Variants in NIBAN3 observed in about 807,000 individuals in gnomAD.
NIBAN3 encodes niban apoptosis regulator 3, also known as protein Niban 3.
Under a neutral mutation model 76.4 loss-of-function variants are expected in NIBAN3, and 66 were observed. That is an observed-to-expected ratio of 0.86 (90% CI 0.71 to 1.06). The LOEUF is 1.06. NIBAN3 is among the 50% of genes least tolerant of loss of function. The pLI, the probability that NIBAN3 is intolerant of heterozygous loss-of-function variation, is 0.00. For missense variants in NIBAN3, 808 were observed against 810.7 expected (o/e 1.00, Z 0.04); for synonymous variants, 360 against 355.2 (o/e 1.01, Z -0.15).
Position 17,550,804 on chromosome 19 carries a change from T to A in NIBAN3, c.1751-982T>A, listed in dbSNP as rs970530243. On this transcript the variant is annotated intron_variant, in intron 14 of 14. Transcript: ENST00000599164. ...CAGGCATTTGGTTTCTAGTCTTCCA[T>A]ACTAACAGCCAATGCCACAGGGATT... Among the ~76,000 whole-genome samples, 4 of 148,596 alleles carry A rather than the reference T, an allele frequency of 2.7e-5. No homozygotes were observed. The East Asian group carries it at 5.9e-4, about 22-fold the overall frequency.
upstream of NIBAN3, chr19:17,527,151 C>A (rs1056071099): frequency 1.6e-4 from 239 of 1,468,414 alleles, no homozygotes; most frequent in Non-Finnish European, 2.2e-4. Context: ...CTACAGAAAC[C>A]ACTGGCTCTG....
At chr19:17,549,960 G>A (rs942103800) in intron 14 of NIBAN3, 2 of 338,184 alleles carry the variant, frequency 5.9e-6, no homozygotes, top group Non-Finnish European at 1.1e-5. Context: ...GGGACTACAG[G>A]CGGCACATGC....
upstream of NIBAN3, among the ~76,000 whole-genome samples, chr19:17,523,902 T>C (rs147883856): frequency 7.7e-3 from 1,175 of 152,270 alleles, 12 homozygotes; most frequent in African/African-American, 0.026. Context: ...GCTTTCTTTT[T>C]TGGGGGGACA....
At chr19:17,532,051 G>A (rs933952741) in intron 2 of NIBAN3, among the ~76,000 whole-genome samples, 2 of 152,164 alleles carry the variant, frequency 1.3e-5, no homozygotes, top group African/African-American at 4.8e-5. Flanking sequence ...TTGCCTCTCC[G>A]GAATGCCCCA....
intron 5 of NIBAN3, among the ~76,000 whole-genome samples, chr19:17,538,932 C>T (rs1398629941): frequency 6.6e-6 from 1 of 152,174 alleles, no homozygotes; most frequent in African/African-American, 2.4e-5. Flanking sequence ...CTGCTGGTCA[C>T]GGGGCTGTGG....
At chr19:17,535,410 A>T (rs2075807946) in intron 4 of NIBAN3, among the ~76,000 whole-genome samples, 1 of 152,042 alleles carries the variant, frequency 6.6e-6, no homozygotes, top group South Asian at 2.1e-4. Flanking sequence ...CACACCATTG[A>T]ACTCCAGCAG....
At chr19:17,523,578 C>A, upstream of NIBAN3, 1 of 772,946 alleles carries the variant, frequency 1.3e-6, no homozygotes. Context: ...AATTGAGCTG[C>A]CAGCACAGGG....
chr19:17,549,774 G>C lies in NIBAN3; in HGVS notation c.1750+247G>C, dbSNP rs188339609. The C allele has an allele frequency of 2.3e-4, 134 of 576,490 alleles. No homozygotes were observed. The East Asian group carries it at 3.0e-3, about 13-fold the overall frequency. 35.7% of individuals were successfully genotyped at this position (576,490 alleles called of 1,614,324 possible). ...CTGACATGCATGTGAGCTCAGCCCT[G>C]GGGGGCTGAGATTGTGGTGAATTTG... On this transcript the variant is annotated intron_variant, in intron 14 of 14. Transcript: ENST00000599164.
chr19:17,541,498 G>A (rs2075951310), intron 9 of NIBAN3, among the ~76,000 whole-genome samples: 2 of 151,976 alleles, frequency 1.3e-5, no homozygotes, highest in South Asian at 4.1e-4. Flanking sequence ...TGCAGCCCCA[G>A]GGCCCAGCAC....
intron 1 of NIBAN3, among the ~76,000 whole-genome samples, chr19:17,528,047 T>C (rs918476793): frequency 6.6e-6 from 1 of 151,750 alleles, no homozygotes; most frequent in Non-Finnish European, 1.5e-5. Context: ...TGCACACTTA[T>C]GCTGAAAACC....
upstream of NIBAN3, chr19:17,523,499 G>C (rs1201359423): frequency 1.3e-6 from 2 of 1,532,074 alleles, no homozygotes; most frequent in East Asian, 4.8e-5. Flanking sequence ...AAGCTCAGCT[G>C]TGGGGCTGGT....
chr19:17,538,416 A>T (rs2075864774), intron 5 of NIBAN3, among the ~76,000 whole-genome samples: 1 of 102,014 alleles, frequency 9.8e-6, no homozygotes, highest in Non-Finnish European at 2.1e-5. Context: ...ACTCTGTCTT[A>T]AAAAAAAAAA....
intron 12 of NIBAN3, chr19:17,545,927 G>A: frequency 2.3e-6 from 1 of 435,826 alleles, no homozygotes; most frequent in Non-Finnish European, 4.6e-6. Context: ...GAGAAAAGGA[G>A]ACTCCCTTTC....
chr19:17,533,281 G>C (rs918343540), intron 3 of NIBAN3, among the ~76,000 whole-genome samples: 1 of 152,012 alleles, frequency 6.6e-6, no homozygotes, highest in Non-Finnish European at 1.5e-5. Flanking sequence ...GTGGTGGCGG[G>C]TGCCTGTAAT....
Position 17,546,781 on chromosome 19 carries a change from G to A in NIBAN3, c.1650G>A (p.Leu550=), listed in dbSNP as rs2076063489. The change falls in exon 13 of 15, where the codon CTG becomes CTA. Residue 550 remains leucine (L), a synonymous_variant. Transcript: ENST00000599164. ...IYEDVIRGCL[L]QRIDQELKKT... ...AGGACGTCATCCGGGGGTGCTTGCT[G>A]CAGAGGATTGACCAAGGTGAGTCCC... The A allele has an allele frequency of 8.1e-6, 13 of 1,599,680 alleles. No individual in the cohort carries two copies. Among genetic ancestry groups the A allele is most frequent in the Non-Finnish European group, 1.1e-5 (13 of 1,174,050 alleles).
upstream of NIBAN3, chr19:17,523,568 A>G (rs2075577625): frequency 1.1e-6 from 1 of 873,286 alleles, no homozygotes; most frequent in Middle Eastern, 2.7e-4. Context: ...AGTGAAGGGA[A>G]ATTGAGCTGC....
In NIBAN3 at chr19:17,542,398, C is replaced by T. The variant is rs1002767058; in HGVS notation, c.1329+104C>T. ...GAGACCACGATGATCGAGACAACTC[C>T]GCGGGGCTGCCAGTCTCATGGGGAC... On this transcript the variant is annotated intron_variant, in intron 10 of 14. Transcript: ENST00000599164. The surrounding 1 kb of genome is among the most constrained non-coding windows in gnomAD (Gnocchi z 4.8). 2.0e-5 allele frequency: 25 copies of T among 1,252,560 alleles called. No individual in the cohort carries two copies. Among genetic ancestry groups the T allele is most frequent in the Admixed American group, 2.4e-5 (1 of 40,990 alleles). The allele number at this position is 1,252,560 out of a possible 1,614,324, so 77.6% of individuals were successfully genotyped here. A position where few individuals can be genotyped will look rare whatever the true frequency, so the allele number is the denominator to read the frequency against.
Position 17,539,206 on chromosome 19 carries a change from T to A in NIBAN3, c.652T>A (p.Tyr218Asn), listed in dbSNP as rs1355843558. The A allele has an allele frequency of 6.2e-7, 1 of 1,608,778 alleles. No homozygotes were observed. The highest frequency in any genetic ancestry group is 8.5e-7 in the Non-Finnish European group (1 of 1,177,992). The change falls in exon 6 of 15, where the codon TAC (tyrosine) becomes AAC (asparagine). Residue 218 changes from tyrosine (Y) to asparagine (N), a missense_variant. By Grantham distance (143) the Tyr-to-Asn change is moderately radical. Transcript: ENST00000599164. The part of the protein sequence containing the change: ...ARAFLDAVRL[Y>N]RQHQGHFGDD... ...GGCCTTCCTGGACGCCGTCCGACTC[T>A]ACCGGCAGCACCAAGGCCACTTTGG...
At position 17,527,412 on chromosome 19, in the gene NIBAN3, G is replaced by T; in HGVS notation, c.55+17G>T. 1 of 1,506,036 alleles carries T rather than the reference G, an allele frequency of 6.6e-7. No homozygotes were observed. Among genetic ancestry groups the T allele is most frequent in the South Asian group, 1.3e-5 (1 of 76,454 alleles). The allele number at this position is 1,506,036 out of a possible 1,614,324, so 93.3% of individuals were successfully genotyped here. On this transcript the variant is annotated intron_variant, in intron 1 of 14. Transcript: ENST00000599164. Reference sequence around the variant, plus strand: ...ACCTAAGGGGTGAGCAGCCGGGGAGGGGACAGGGTGGGAGTCCAGGTGGGT... The same window carrying T: ...ACCTAAGGGGTGAGCAGCCGGGGAGTGGACAGGGTGGGAGTCCAGGTGGGT...
Sources: gnomAD v4.1 joint callset for allele counts (sites outside exome capture counted in the v4.1 genomes callset) on GRCh38, gnomAD v4.1.1 for gene constraint, Gnocchi (gnomAD v3.1) non-coding constraint, MANE v1.5 for transcripts, NCBI Gene and HGNC (gene_info 2026-07-23, HGNC 2026-07-21) for gene names.